The following ARB2A variants were observed in gnomAD, a reference collection of about 807,000 sequenced individuals.
The protein encoded by ARB2A is ARB2 cotranscriptional regulator A.
the ARB2A span, among the ~76,000 whole-genome samples, chr5:94,067,731 A>G: frequency 3.9e-5 from 6 of 152,180 alleles, no homozygotes; most frequent in Non-Finnish European, 8.8e-5. Context: ...TAATTCAATG[A>G]CCATACTGCT....
chr5:93,819,028 A>C, the ARB2A span, among the ~76,000 whole-genome samples: 1 of 151,620 alleles, frequency 6.6e-6, no homozygotes, highest in Non-Finnish European at 1.5e-5. Flanking sequence ...TCTACTAAAA[A>C]TACAAAAATT....
the ARB2A span, among the ~76,000 whole-genome samples, chr5:93,883,924 T>TACACATACAC: frequency 7.3e-4 from 98 of 133,978 alleles, no homozygotes; most frequent in Non-Finnish European, 1.1e-3. Context: ...CACATACACA[T>TACACATACAC]ACACACACAC....
the ARB2A span, among the ~76,000 whole-genome samples, chr5:93,799,882 C>A: frequency 0.094 from 14,307 of 151,816 alleles, 830 homozygotes; most frequent in Middle Eastern, 0.17. Flanking sequence ...AAAAAAATAC[C>A]AGCATGAAAA....
chr5:93,995,382 C>A, the ARB2A span, among the ~76,000 whole-genome samples: 1 of 152,086 alleles, frequency 6.6e-6, no homozygotes, highest in African/African-American at 2.4e-5. Flanking sequence ...ACCATGGGAC[C>A]CGTACAAAGT....
At chr5:93,673,624 T>C in the ARB2A span, among the ~76,000 whole-genome samples, 1 of 152,206 alleles carries the variant, frequency 6.6e-6, no homozygotes, top group Non-Finnish European at 1.5e-5. Flanking sequence ...ACCATATGAT[T>C]ATTCTGACTG....
At chr5:93,637,461 T>C in the ARB2A span, among the ~76,000 whole-genome samples, 15 of 150,322 alleles carry the variant, frequency 1.0e-4, no homozygotes, top group African/African-American at 3.7e-4. Context: ...TAAACTCCAT[T>C]GCTTCGTTTC....
chr5:93,697,401 C>T, the ARB2A span, among the ~76,000 whole-genome samples: 1 of 152,180 alleles, frequency 6.6e-6, no homozygotes, highest in South Asian at 2.1e-4. Context: ...TTCTTATTAA[C>T]TCATTTTATG....
At chr5:93,801,324 C>A in the ARB2A span, among the ~76,000 whole-genome samples, 1 of 152,058 alleles carries the variant, frequency 6.6e-6, no homozygotes, top group Admixed American at 6.6e-5. Flanking sequence ...TACATATAGG[C>A]ATTAGAAATA....
the ARB2A span, among the ~76,000 whole-genome samples, chr5:93,704,005 G>A: frequency 2.4e-4 from 36 of 152,228 alleles, 1 homozygote; most frequent in Admixed American, 1.8e-3. Flanking sequence ...GCTCTCATGG[G>A]GCTGTTAAAG....
the ARB2A span, among the ~76,000 whole-genome samples, chr5:93,659,235 AT>A: frequency 6.6e-6 from 1 of 152,130 alleles, no homozygotes; most frequent in East Asian, 1.9e-4. Context: ...ATTAAAAAAA[AT>A]CAGAATTTCA....
chr5:93,674,641 C>A, the ARB2A span, among the ~76,000 whole-genome samples: 2 of 152,120 alleles, frequency 1.3e-5, no homozygotes, highest in Non-Finnish European at 2.9e-5. Context: ...CTCAATAATG[C>A]AAAATGCACA....
the ARB2A span, among the ~76,000 whole-genome samples, chr5:93,732,273 C>T: frequency 6.6e-6 from 1 of 152,128 alleles, no homozygotes; most frequent in African/African-American, 2.4e-5. Context: ...ACCTTGCCTT[C>T]CAACTTAGAA....
the ARB2A span, among the ~76,000 whole-genome samples, chr5:94,041,869 G>C: frequency 6.6e-6 from 1 of 151,926 alleles, no homozygotes. Context: ...ACTTTGCCTG[G>C]TGTGTCTTAG....
chr5:93,923,651 A>C, the ARB2A span, among the ~76,000 whole-genome samples: 1,938 of 152,234 alleles, frequency 0.013, 39 homozygotes, highest in African/African-American at 0.045. Flanking sequence ...CTCTACTACA[A>C]ATTAAAAAAT....
chr5:93,968,388 T>G, the ARB2A span, among the ~76,000 whole-genome samples: 1 of 152,118 alleles, frequency 6.6e-6, no homozygotes. Context: ...CAATAAAAAG[T>G]AAATGTTAGA....
At chr5:93,878,220 A>G in the ARB2A span, among the ~76,000 whole-genome samples, 4 of 149,454 alleles carry the variant, frequency 2.7e-5, no homozygotes, top group African/African-American at 7.3e-5. Flanking sequence ...GACATATTTT[A>G]AAAAGTGGTA....
chr5:93,918,017 A>C, the ARB2A span, among the ~76,000 whole-genome samples: 2 of 152,154 alleles, frequency 1.3e-5, no homozygotes, highest in Non-Finnish European at 2.9e-5. Flanking sequence ...TTCTTAAGCC[A>C]CATTTATAGT....
chr5:93,748,957 A>C, the ARB2A span, among the ~76,000 whole-genome samples: 1 of 152,126 alleles, frequency 6.6e-6, no homozygotes, highest in Non-Finnish European at 1.5e-5. Flanking sequence ...TCATAATCTT[A>C]AGTTTCAATC....
the ARB2A span, among the ~76,000 whole-genome samples, chr5:93,778,269 A>G: frequency 6.6e-6 from 1 of 152,222 alleles, no homozygotes; most frequent in East Asian, 1.9e-4. Context: ...TACATTTGAA[A>G]TAAGTAAAAT....
Sources: allele counts gnomAD v4.1 joint callset (sites outside exome capture counted in the v4.1 genomes callset), GRCh38; gene constraint gnomAD v4.1.1; transcripts MANE v1.5; gene names NCBI Gene and HGNC (gene_info 2026-07-23, HGNC 2026-07-21).